Variants in HEATR5B observed in about 807,000 individuals in gnomAD.
HEATR5B encodes the protein HEAT repeat containing 5B, also known as HEAT repeat-containing protein 5B.
A neutral mutation model predicts 224.1 loss-of-function variants in HEATR5B; 156 were observed. The ratio of observed to expected loss-of-function variants is 0.70; its 90% CI spans 0.61 to 0.80. HEATR5B has a LOEUF of 0.80. Among genes scored for constraint, HEATR5B ranks in the 30% least tolerant of loss-of-function variants. The probability of loss-of-function intolerance (pLI) is 0.00; values close to 1 mark genes in which losing one functional copy is unlikely to be tolerated. For missense variants in HEATR5B, 2,323 were observed against 2,535.5 expected, an observed-to-expected ratio of 0.92 and a Z score of 1.80; for synonymous variants, 1,027 against 893.0, an observed-to-expected ratio of 1.15 and a Z score of -2.68.
intron 18 of HEATR5B, among the ~76,000 whole-genome samples, chr2:37,046,776 G>A (rs1670222605): frequency 1.3e-5 from 2 of 151,920 alleles, no homozygotes; most frequent in African/African-American, 4.8e-5. Context: ...CAGGCTGGGT[G>A]CAGTGGCTCA....
intron 32 of HEATR5B, among the ~76,000 whole-genome samples, chr2:37,001,669 C>A (rs1182753379): frequency 6.7e-6 from 1 of 150,250 alleles, no homozygotes; most frequent in African/African-American, 2.4e-5. Context: ...TTTTCTTTTT[C>A]TTTCTTTTTT....
chr2:37,056,646 A>G (rs1670929608), intron 15 of HEATR5B, 31 bp from the exon 16 acceptor site: 1 of 1,552,030 alleles, frequency 6.4e-7, no homozygotes, highest in African/African-American at 1.4e-5. Flanking sequence ...AATTATTCAA[A>G]ATCTACTTTA....
At chr2:37,038,869 C>G (rs947201717) in intron 20 of HEATR5B, among the ~76,000 whole-genome samples, 2 of 140,672 alleles carry the variant, frequency 1.4e-5, no homozygotes, top group Non-Finnish European at 3.0e-5. Context: ...CACTGCACTC[C>G]AGCCTGGGAG....
At chr2:37,080,605 A>G (rs1265680963) in intron 2 of HEATR5B, among the ~76,000 whole-genome samples, 1 of 152,158 alleles carries the variant, frequency 6.6e-6, no homozygotes, top group Non-Finnish European at 1.5e-5. Context: ...AACATGGGGG[A>G]AAGGGCAGGT....
Position 37,040,457 on chromosome 2 carries a change from T to G in HEATR5B, c.2918A>C (p.Tyr973Ser), listed in dbSNP as rs745372745. 5 of 1,613,780 alleles carry G rather than the reference T, an allele frequency of 3.1e-6. No homozygotes were observed. The African/African-American group carries it at 6.7e-5, about 22-fold the overall frequency. The change falls in exon 20 of 36, where the codon TAT (tyrosine) becomes TCT (serine). Residue 973 changes from tyrosine to serine, a missense_variant. Around this residue, in one of 12 missense-constraint regions of HEATR5B, gnomAD observed 44 missense variants for 39.0 expected, o/e 1.13. Coordinates refer to ENST00000233099, the MANE Select transcript of HEATR5B (RefSeq NM_019024.3). ...VDSSGPMYRG[Y>S]VEPTLSLVLT... ...AACTAGAGATAATGTTGGTTCCACATAGCCACGATACATCGGACCACTAGA... is the reference window on the plus strand; with the variant it reads ...AACTAGAGATAATGTTGGTTCCACAGAGCCACGATACATCGGACCACTAGA...
intron 24 of HEATR5B, among the ~76,000 whole-genome samples, chr2:37,027,551 G>C (rs542851096): frequency 6.6e-6 from 1 of 152,274 alleles, no homozygotes; most frequent in African/African-American, 2.4e-5. Context: ...GGCTGGGGAC[G>C]GCAAAGCTCA....
intron 33 of HEATR5B, among the ~76,000 whole-genome samples, chr2:36,999,151 G>A (rs568647629): frequency 7.2e-5 from 11 of 152,012 alleles, no homozygotes; most frequent in Non-Finnish European, 1.2e-4. Context: ...CCTGGGAGGC[G>A]GAGGCTGTGG....
chr2:37,054,016 T>C (rs1468895710), intron 16 of HEATR5B, among the ~76,000 whole-genome samples: 1 of 151,962 alleles, frequency 6.6e-6, no homozygotes. Flanking sequence ...AAAAATACTC[T>C]TAGAATAGTA....
chr2:37,016,357 T>G (rs1272323045), intron 26 of HEATR5B, among the ~76,000 whole-genome samples: 2 of 152,028 alleles, frequency 1.3e-5, no homozygotes, highest in Non-Finnish European at 2.9e-5. Flanking sequence ...GTGATCTGCC[T>G]GCCTCAGCCT....
chr2:37,082,091 T>TG (rs1441391714), intron 2 of HEATR5B, among the ~76,000 whole-genome samples: 10 of 105,318 alleles, frequency 9.5e-5, no homozygotes, highest in Admixed American at 3.4e-4. Flanking sequence ...TTTTTTCAGA[T>TG]GGAGTTTCAC....
chr2:37,042,349 G>A (rs771741201), intron 18 of HEATR5B, among the ~76,000 whole-genome samples: 8 of 152,220 alleles, frequency 5.3e-5, no homozygotes, highest in South Asian at 2.1e-4. Flanking sequence ...AAATAAACTC[G>A]TACTAACTTG....
intron 3 of HEATR5B, among the ~76,000 whole-genome samples, 178 bp from the exon 4 acceptor site, chr2:37,077,197 C>T (rs1009755394): frequency 6.6e-6 from 1 of 152,196 alleles, no homozygotes; most frequent in Non-Finnish European, 1.5e-5. Context: ...TCTATTTACA[C>T]TGTATTCTTG....
intron 5 of HEATR5B, among the ~76,000 whole-genome samples, chr2:37,074,114 G>A (rs1215166109): frequency 6.6e-6 from 1 of 152,136 alleles, no homozygotes; most frequent in African/African-American, 2.4e-5. Flanking sequence ...GAGGTCAGGA[G>A]ATCGAGACCA....
chr2:36,996,522 T>G (rs930446506), intron 33 of HEATR5B, among the ~76,000 whole-genome samples: 1 of 151,448 alleles, frequency 6.6e-6, no homozygotes, highest in Non-Finnish European at 1.5e-5. Flanking sequence ...GTTCAAGCAA[T>G]CCTTCCACCT....
At chr2:37,063,381 G>A (rs1226029816) in intron 10 of HEATR5B, among the ~76,000 whole-genome samples, 1 of 152,078 alleles carries the variant, frequency 6.6e-6, no homozygotes, top group Non-Finnish European at 1.5e-5. Context: ...TAGAGCAACA[G>A]GAAATTTGAA....
intron 29 of HEATR5B, among the ~76,000 whole-genome samples, chr2:37,006,211 T>C (rs181657047): frequency 6.6e-6 from 1 of 152,316 alleles, no homozygotes; most frequent in East Asian, 1.9e-4. Context: ...GGTAAAGTCA[T>C]TGTTTTGGAA....
chr2:37,008,367 C>T, intron 28 of HEATR5B: 2 of 545,068 alleles, frequency 3.7e-6, no homozygotes, highest in East Asian at 6.5e-5. Flanking sequence ...AATACCCTAG[C>T]TCATACAGCT....
At chr2:37,080,716 T>C (rs527249988) in intron 2 of HEATR5B, among the ~76,000 whole-genome samples, 1 of 152,216 alleles carries the variant, frequency 6.6e-6, no homozygotes, top group African/African-American at 2.4e-5. Flanking sequence ...AATCATTATT[T>C]TATAGATGAT....
intron 24 of HEATR5B, among the ~76,000 whole-genome samples, chr2:37,022,368 G>A (rs1452166448): frequency 2.0e-5 from 3 of 152,014 alleles, no homozygotes; most frequent in African/African-American, 7.2e-5. Context: ...TAATAGAGAT[G>A]GGGTTTCACC....
Sources: gnomAD v4.1 joint callset for allele counts (sites outside exome capture counted in the v4.1 genomes callset) on GRCh38, gnomAD v4.1.1 for gene constraint, gnomAD v4.1.1 regional missense constraint, MANE v1.5 for transcripts, NCBI Gene and HGNC (gene_info 2026-07-23, HGNC 2026-07-21) for gene names.